The following ACO2 variants were observed in gnomAD, a reference collection of about 807,000 sequenced individuals.
ACO2 encodes aconitate hydratase, mitochondrial.
A neutral mutation model predicts 84.5 loss-of-function variants in ACO2; 31 were observed. The ratio of observed to expected loss-of-function variants is 0.37; its 90% CI spans 0.28 to 0.50. The LOEUF (loss-of-function observed/expected upper bound fraction) is 0.50. Ranked by LOEUF, ACO2 falls within the 20% of genes least tolerant of loss-of-function variation. The pLI is 0.97. For missense variants in ACO2, 685 were observed against 1,029.3 expected, an observed-to-expected ratio of 0.67 and a Z score of 4.58; for synonymous variants, 414 against 412.7, an observed-to-expected ratio of 1.00 and a Z score of -0.04.
At chr22:41,516,533 C>G (rs968270173) in intron 6 of ACO2, among the ~76,000 whole-genome samples, 4 of 152,176 alleles carry the variant, frequency 2.6e-5, no homozygotes, top group African/African-American at 9.7e-5. Context: ...CTGCAGAACT[C>G]TGGTTCCCCT....
At chr22:41,518,815 A>G (rs1009677940) in intron 8 of ACO2, among the ~76,000 whole-genome samples, 7 of 152,070 alleles carry the variant, frequency 4.6e-5, no homozygotes, top group African/African-American at 1.7e-4. Flanking sequence ...GCATAGTGCC[A>G]TGTGCCTATA....
At chr22:41,491,242 T>G (rs2066269590) in intron 1 of ACO2, among the ~76,000 whole-genome samples, 1 of 152,076 alleles carries the variant, frequency 6.6e-6, no homozygotes, top group Non-Finnish European at 1.5e-5. Flanking sequence ...TCATGTTCAG[T>G]GCCCTTGAGG....
intron 9 of ACO2, among the ~76,000 whole-genome samples, chr22:41,520,884 T>C (rs1430498286): frequency 6.7e-6 from 1 of 149,712 alleles, no homozygotes; most frequent in Non-Finnish European, 1.5e-5. Flanking sequence ...GGCGCATGCC[T>C]ATAGTCCTAG....
At chr22:41,470,719 T>A (rs2146071873) in intron 1 of ACO2, among the ~76,000 whole-genome samples, 1 of 152,138 alleles carries the variant, frequency 6.6e-6, no homozygotes, top group South Asian at 2.1e-4. Context: ...ATTTTTGTAT[T>A]TTTAGTAGAG....
intron 6 of ACO2, 61 bp from the exon 7 acceptor site, chr22:41,517,466 G>A: frequency 1.5e-6 from 2 of 1,375,488 alleles, no homozygotes; most frequent in African/African-American, 1.4e-5. Flanking sequence ...TGGCCGCGTA[G>A]CAGGTGTGTG....
rs1601897865 is a variant in ACO2 at position 41,496,683 on chromosome 22, CATGT to C, written c.37-3042_37-3039del. ...CGCACTGTGGAAGGTCCTTTGATGT[CATGT>C]CATTGGTGGGTTCTTTGCACCTACC... On this transcript the variant is annotated intron_variant, in intron 1 of 17. Coordinates refer to ENST00000216254, the MANE Select transcript of ACO2 (RefSeq NM_001098.3). Among the ~76,000 whole-genome samples, 10 of 152,282 alleles carry C rather than the reference CATGT, an allele frequency of 6.6e-5. No individual in the cohort carries two copies. The East Asian group carries it at 1.9e-3, about 29-fold the overall frequency.
At chr22:41,523,622 G>C (rs1342204013) in intron 11 of ACO2, among the ~76,000 whole-genome samples, 1 of 152,202 alleles carries the variant, frequency 6.6e-6, no homozygotes. Context: ...TCTGGCTTAC[G>C]TGTGGTTGCA....
intron 1 of ACO2, among the ~76,000 whole-genome samples, chr22:41,484,763 C>T (rs1454528589): frequency 6.6e-6 from 1 of 152,064 alleles, no homozygotes; most frequent in South Asian, 2.1e-4. Flanking sequence ...CATTTCATTC[C>T]TCACATAATA....
intron 1 of ACO2, among the ~76,000 whole-genome samples, chr22:41,472,351 T>C (rs1377195290): frequency 7.1e-6 from 1 of 140,914 alleles, no homozygotes; most frequent in Non-Finnish European, 1.5e-5. Flanking sequence ...AGACTCCGTC[T>C]CAAAAAAAAA....
chr22:41,488,569 C>T (rs1259520827), intron 1 of ACO2, among the ~76,000 whole-genome samples: 2 of 152,236 alleles, frequency 1.3e-5, no homozygotes, highest in East Asian at 1.9e-4. Context: ...TGATCATAAT[C>T]GAGTGCTGTT....
chr22:41,481,352 TG>T (rs1482314501), intron 1 of ACO2, among the ~76,000 whole-genome samples: 6 of 152,196 alleles, frequency 3.9e-5, no homozygotes, highest in Non-Finnish European at 8.8e-5. Flanking sequence ...TCAAGAGACC[TG>T]GCCTCTCCCG....
intron 1 of ACO2, 68 bp from the exon 2 acceptor site, chr22:41,499,658 G>C (rs2066339530): frequency 6.5e-7 from 1 of 1,548,866 alleles, no homozygotes; most frequent in Non-Finnish European, 8.7e-7. Flanking sequence ...TCACCATACT[G>C]AGCTGCCCTC....
chr22:41,528,414 C>T (rs1223673171), intron 17 of ACO2, 65 bp from the exon 18 acceptor site: 4 of 1,580,250 alleles, frequency 2.5e-6, no homozygotes, highest in Non-Finnish European at 3.4e-6. Flanking sequence ...TCTCCCTGAC[C>T]CCCCTGCGGG....
At chr22:41,474,357 G>T (rs527675800) in intron 1 of ACO2, among the ~76,000 whole-genome samples, 1 of 146,930 alleles carries the variant, frequency 6.8e-6, no homozygotes, top group Non-Finnish European at 1.5e-5. Context: ...GCAGTGGCGC[G>T]ATCTCGGCTC....
At chr22:41,478,565 G>T (rs1364287150) in intron 1 of ACO2, among the ~76,000 whole-genome samples, 1 of 152,110 alleles carries the variant, frequency 6.6e-6, no homozygotes, top group African/African-American at 2.4e-5. Context: ...AGTTATATTT[G>T]CAGTATTTAT....
chr22:41,506,950 C>T (rs933646932), intron 2 of ACO2, among the ~76,000 whole-genome samples: 3 of 151,890 alleles, frequency 2.0e-5, no homozygotes, highest in Non-Finnish European at 4.4e-5. Flanking sequence ...TTGAGCCTGG[C>T]AGGGAGAGTG....
intron 7 of ACO2, among the ~76,000 whole-genome samples, chr22:41,518,198 T>C (rs967383060): frequency 6.6e-6 from 1 of 152,210 alleles, no homozygotes; most frequent in African/African-American, 2.4e-5. Context: ...CCTTTCCTTA[T>C]TGAGTGACTG....
At chr22:41,511,297 G>A (rs1007454385) in intron 3 of ACO2, among the ~76,000 whole-genome samples, 1 of 152,062 alleles carries the variant, frequency 6.6e-6, no homozygotes, top group Non-Finnish European at 1.5e-5. Flanking sequence ...TCAGCCTCCC[G>A]AGTAACTGGA....
At chr22:41,504,198 G>A (rs1334247655) in intron 2 of ACO2, among the ~76,000 whole-genome samples, 1 of 152,214 alleles carries the variant, frequency 6.6e-6, no homozygotes, top group Admixed American at 6.5e-5. Context: ...CCAGAGTGGT[G>A]TCTCTGGTGA....
Sources: allele counts gnomAD v4.1 joint callset (sites outside exome capture counted in the v4.1 genomes callset), GRCh38; gene constraint gnomAD v4.1.1; transcripts MANE v1.5; gene names NCBI Gene and HGNC (gene_info 2026-07-23, HGNC 2026-07-21).